Variants in PTPRT observed in about 807,000 individuals in gnomAD.
The protein encoded by PTPRT is receptor-type tyrosine-protein phosphatase T.
In PTPRT, 56 loss-of-function variants were observed where a neutral mutation model predicts 176.8. The ratio of observed to expected loss-of-function variants is 0.32; its 90% confidence interval spans 0.26 to 0.40. The LOEUF (loss-of-function observed/expected upper bound fraction) is 0.40. Ranked by LOEUF, PTPRT falls within the 10% of genes least tolerant of loss-of-function variation. PTPRT has a pLI of 1.00. For missense variants in PTPRT, 1,540 were observed against 1,908.2 expected (o/e 0.81, Z 3.60); for synonymous variants, 783 against 739.0 (o/e 1.06, Z -0.96).
rs141783431 is a variant in PTPRT, at chr20:43,076,118, T to A, written c.88+113528A>T. 4.4e-3 allele frequency among the ~76,000 whole-genome samples: 665 copies of A among 152,346 alleles called. 2 individuals are homozygous for A. The highest frequency in any genetic ancestry group is 0.017 in the Middle Eastern group (5 of 294). ...AATAATTATTGGTTTGGGATTTTTT[T>A]AAACATAATAGTGACCACAGTATAA... On this transcript the variant is annotated intron_variant, in intron 1 of 30. Transcript: ENST00000373187.
intron 16 of PTPRT, among the ~76,000 whole-genome samples, chr20:42,166,965 A>G (rs1989852599): frequency 6.6e-6 from 1 of 151,860 alleles, no homozygotes. Flanking sequence ...CATGAGGGGA[A>G]CTCAATCTGC....
intron 16 of PTPRT, among the ~76,000 whole-genome samples, chr20:42,168,216 G>A (rs1178035604): frequency 2.0e-5 from 3 of 152,130 alleles, no homozygotes; most frequent in African/African-American, 7.2e-5. Context: ...GCTGTCTCAG[G>A]AGTGACAGAG....
Position 42,401,133 on chromosome 20 carries a change from T to TAATAAATAAATA in PTPRT, c.1560+47075_1560+47086dup, listed in dbSNP as rs10608287. On this transcript the variant is annotated intron_variant, in intron 9 of 30. Transcript: ENST00000373187. ...GAGTAACTAAAAAATGTCAAAACAGTAATAAATAAATAAATAAATAAATAA... is the reference window on the plus strand; with the variant it reads ...GAGTAACTAAAAAATGTCAAAACAGTAATAAATAAATAAATAAATAAATAAATAAATAAATAA... Among the ~76,000 whole-genome samples, 1,329 of 148,392 alleles carry TAATAAATAAATA rather than the reference T, an allele frequency of 9.0e-3. 15 individuals carry two copies. Among genetic ancestry groups the TAATAAATAAATA allele is most frequent in the African/African-American group, 0.018 (716 of 40,506 alleles).
At chr20:42,687,048 T>G (rs2075708756) in intron 6 of PTPRT, 1 of 152,160 alleles carries the variant, frequency 6.6e-6, no homozygotes, top group Non-Finnish European at 1.5e-5. Context: ...TATAAATTAT[T>G]ATAGTTGATA....
At chr20:42,066,463 G>A in the PTPRT span, among the ~76,000 whole-genome samples, 1 of 151,718 alleles carries the variant, frequency 6.6e-6, no homozygotes, top group African/African-American at 2.4e-5. Context: ...TTTTTGGTGT[G>A]TATTCTGTCA....
intron 7 of PTPRT, among the ~76,000 whole-genome samples, chr20:42,662,189 C>T (rs2075235730): frequency 6.6e-6 from 1 of 152,150 alleles, no homozygotes. Flanking sequence ...TGTTAAGAGC[C>T]TACTTCGTTC....
In PTPRT at chr20:42,665,775, G is replaced by A. The variant is rs558083961; in HGVS notation, c.1153+12091C>T. On this transcript the variant is annotated intron_variant, in intron 7 of 30. Coordinates refer to ENST00000373187, the MANE Select transcript of PTPRT (RefSeq NM_007050.6). ...ATACTATGCAGCCATAAAAAATGAT[G>A]AGTTCCTGTCCTTTGTAGGGACATG... is the stretch of plus-strand genomic sequence containing the variant. Among the ~76,000 whole-genome samples the A allele has an allele frequency of 2.0e-3, 301 of 152,206 alleles. 8 individuals are homozygous for A. In the South Asian group the frequency reaches 0.061, roughly 31 times the overall value.
At chr20:42,723,731 T>C (rs1042882452) in intron 6 of PTPRT, among the ~76,000 whole-genome samples, 26 of 152,184 alleles carry the variant, frequency 1.7e-4, no homozygotes, top group African/African-American at 5.5e-4. Flanking sequence ...GATATCCTCA[T>C]TGTCATTCCT....
chr20:42,080,721 G>C lies in PTPRT; in HGVS notation c.*158C>G. The C allele has an allele frequency of 4.6e-6, 3 of 648,874 alleles. No individual in the cohort carries two copies. The South Asian group carries it at 5.6e-5, about 12-fold the overall frequency. The allele number at this position is 648,874 out of a possible 1,614,324, so 40.2% of individuals were successfully genotyped here. ...ACGGCAACAGGAGACCCCTCAGAAG[G>C]TGCAGAGCCCCCCGTGGAACACAGG... On this transcript the variant is annotated 3_prime_UTR_variant, in exon 31 of 31. Transcript: ENST00000373187.
chr20:42,377,079 T>A (rs2058657966), intron 9 of PTPRT, among the ~76,000 whole-genome samples: 1 of 152,162 alleles, frequency 6.6e-6, no homozygotes, highest in Non-Finnish European at 1.5e-5. Context: ...ATTACCTCCG[T>A]CCTTTGATAA....
chr20:42,819,064 C>T (rs540448935), intron 2 of PTPRT, among the ~76,000 whole-genome samples: 1 of 152,198 alleles, frequency 6.6e-6, no homozygotes, highest in Non-Finnish European at 1.5e-5. Flanking sequence ...CATTAAGATA[C>T]TCTCCAACAA....
chr20:42,386,721 C>T (rs1166065293), intron 9 of PTPRT, among the ~76,000 whole-genome samples: 4 of 152,134 alleles, frequency 2.6e-5, no homozygotes, highest in South Asian at 2.1e-4. Flanking sequence ...ATTATCTGGG[C>T]GTGGTGGTGG....
intron 1 of PTPRT, among the ~76,000 whole-genome samples, chr20:43,063,009 T>C (rs1987535603): frequency 1.3e-5 from 2 of 152,212 alleles, no homozygotes; most frequent in African/African-American, 4.8e-5. Flanking sequence ...TTTGGTCACT[T>C]ACCTCCACAC....
At chr20:42,816,396 A>G (rs541680331) in intron 2 of PTPRT, among the ~76,000 whole-genome samples, 14 of 152,340 alleles carry the variant, frequency 9.2e-5, no homozygotes, top group African/African-American at 3.4e-4. Context: ...AGTAAGAATA[A>G]TGGAAGAGCT....
At chr20:42,448,102 T>G in intron 9 of PTPRT, 118 bp downstream of exon 9, 1 of 792,562 alleles carries the variant, frequency 1.3e-6, no homozygotes, top group Non-Finnish European at 2.2e-6. Context: ...AGAAACCTTT[T>G]GGTATGTCTC....
At chr20:42,291,825 A>G (rs1304128828) in intron 12 of PTPRT, among the ~76,000 whole-genome samples, 1 of 152,198 alleles carries the variant, frequency 6.6e-6, no homozygotes, top group East Asian at 1.9e-4. Flanking sequence ...TTTTGGGACT[A>G]TAGAGTTTTG....
intron 16 of PTPRT, among the ~76,000 whole-genome samples, chr20:42,168,061 T>A (rs1384354982): frequency 6.6e-6 from 1 of 152,094 alleles, no homozygotes; most frequent in Non-Finnish European, 1.5e-5. Context: ...AAAATGTTAT[T>A]GAGAAAATCA....
chr20:43,121,634 T>A (rs1047620184), intron 1 of PTPRT, among the ~76,000 whole-genome samples: 1 of 152,230 alleles, frequency 6.6e-6, no homozygotes, highest in African/African-American at 2.4e-5. Flanking sequence ...AAATGCCTCT[T>A]CACATCTCTT....
At chr20:42,990,866 T>C (rs1414963729) in intron 1 of PTPRT, among the ~76,000 whole-genome samples, 1 of 152,200 alleles carries the variant, frequency 6.6e-6, no homozygotes, top group East Asian at 1.9e-4. Context: ...TTAGATAATT[T>C]AGCAGATATT....
Sources: gnomAD v4.1 joint callset for allele counts (sites outside exome capture counted in the v4.1 genomes callset) on GRCh38, gnomAD v4.1.1 for gene constraint, MANE v1.5 for transcripts, NCBI Gene and HGNC (gene_info 2026-07-23, HGNC 2026-07-21) for gene names.